SPECC1L: variants seen among roughly 807,000 people sequenced by gnomAD.
SPECC1L encodes the protein cytospin-A.
SPECC1L carries 40 observed loss-of-function variants against 116.8 expected under a neutral mutation model. That is an observed-to-expected ratio of 0.34 (90% CI 0.27 to 0.45). The LOEUF is 0.45. Among genes scored for constraint, SPECC1L ranks in the 20% least tolerant of loss-of-function variants. SPECC1L has a pLI of 1.00. For synonymous variants in SPECC1L, 504 were observed against 500.6 expected (o/e 1.01, Z -0.09); for missense variants, 1,110 against 1,373.6 (o/e 0.81, Z 3.03).
intron 4 of SPECC1L, among the ~76,000 whole-genome samples, chr22:24,320,058 G>C (rs139305072): frequency 2.1e-3 from 324 of 152,354 alleles, no homozygotes; most frequent in Middle Eastern, 6.8e-3. Context: ...CAGATCATTT[G>C]AGGTCAGGAG....
At chr22:24,281,562 A>T (rs2048942935) in intron 2 of SPECC1L, among the ~76,000 whole-genome samples, 2 of 152,198 alleles carry the variant, frequency 1.3e-5, no homozygotes, top group Non-Finnish European at 2.9e-5. Context: ...CTTCTATTTC[A>T]TATATTTTGA....
intron 14 of SPECC1L, among the ~76,000 whole-genome samples, chr22:24,383,820 T>TTTTTTTTTTTTTTTTTTTTTG (rs2042110019): frequency 8.3e-6 from 1 of 120,250 alleles, no homozygotes; most frequent in African/African-American, 3.5e-5. Flanking sequence ...TTTTTTTTTT[T>TTTTTTTTTTTTTTTTTTTTTG]TTTTTTTTTT....
rs748008686 is a variant in SPECC1L, at chr22:24,324,408, C to T, written c.2127C>T (p.Leu709=). ...QHRAVKLHDN[L]IISDLENTVK... The stretch of plus-strand genomic sequence containing the variant: ...GTGCTGTGAAACTTCATGACAACCT[C>T]ATTATTTCTGATCTAGAGAGTAAGT... The change falls in exon 6 of 17, where the codon CTC becomes CTT. Residue 709 remains leucine (L), a synonymous_variant. Transcript: ENST00000314328. 1 of 1,613,726 alleles carries T rather than the reference C, an allele frequency of 6.2e-7. No homozygotes were observed.
intron 2 of SPECC1L, 56 bp from the exon 3 acceptor site, chr22:24,302,139 T>C: frequency 7.5e-7 from 1 of 1,340,358 alleles, no homozygotes; most frequent in Non-Finnish European, 1.1e-6. Flanking sequence ...AAAACAAATT[T>C]CTAAAGCGCT....
At chr22:24,343,460 TG>T in intron 10 of SPECC1L, 1 of 446,620 alleles carries the variant, frequency 2.2e-6, no homozygotes, top group Admixed American at 2.4e-5. Flanking sequence ...GTTTTTTTTT[TG>T]TTTTGTTTTG....
chr22:24,281,508 T>C (rs5760307), intron 2 of SPECC1L, among the ~76,000 whole-genome samples: 5,576 of 152,354 alleles, frequency 0.037, 305 homozygotes, highest in South Asian at 0.12. Flanking sequence ...TAGTTTTCAG[T>C]GTACAAATCT....
At chr22:24,317,344 G>A (rs1301249510) in intron 4 of SPECC1L, among the ~76,000 whole-genome samples, 2 of 122,380 alleles carry the variant, frequency 1.6e-5, no homozygotes, top group African/African-American at 5.8e-5. Context: ...CGGACGGGGC[G>A]GCTGGCCGGG....
chr22:24,310,642 C>A (rs573885209), intron 3 of SPECC1L, among the ~76,000 whole-genome samples: 11 of 151,962 alleles, frequency 7.2e-5, no homozygotes, highest in Non-Finnish European at 1.6e-4. Flanking sequence ...GTGATTCATT[C>A]ATTTTGTTCA....
rs375272011 is a variant in SPECC1L at position 24,334,396 on chromosome 22, A to C, written c.2397-14A>C. On this transcript the variant is annotated splice_polypyrimidine_tract_variant and intron_variant, in intron 8 of 16. Transcript: ENST00000314328. The stretch of plus-strand genomic sequence containing the variant: ...ACCTATGTAAAAATGCTCTGATTTC[A>C]ATATTATTTTCAGGCAAGAGGAGGA... 1.2e-6 allele frequency: 2 copies of C among 1,613,720 alleles called. No individual in the cohort carries two copies. Among genetic ancestry groups the C allele is most frequent in the African/African-American group, 2.7e-5 (2 of 74,868 alleles).
chr22:24,297,318 G>T (rs28491244), intron 2 of SPECC1L, among the ~76,000 whole-genome samples: 1 of 151,272 alleles, frequency 6.6e-6, no homozygotes, highest in Non-Finnish European at 1.5e-5. Context: ...TACATAAAGG[G>T]TTTTTTTAAA....
intron 11 of SPECC1L, among the ~76,000 whole-genome samples, chr22:24,350,035 C>A (rs527544953): frequency 6.6e-6 from 1 of 152,186 alleles, no homozygotes; most frequent in Non-Finnish European, 1.5e-5. Flanking sequence ...CTTTCTTGCT[C>A]ACCCTGCCTC....
intron 5 of SPECC1L, chr22:24,323,235 T>G (rs1025777173): frequency 2.9e-6 from 1 of 343,400 alleles, no homozygotes; most frequent in Non-Finnish European, 4.1e-6. Context: ...AAATTTTACC[T>G]CCCCCCGCCT....
At chr22:24,343,975 G>A (rs979197878) in intron 10 of SPECC1L, among the ~76,000 whole-genome samples, 1 of 152,182 alleles carries the variant, frequency 6.6e-6, no homozygotes, top group Middle Eastern at 3.4e-3. Context: ...AAATAAAAAG[G>A]CTTCCCACAT....
At chr22:24,347,340 G>A (rs2041317743) in intron 11 of SPECC1L, among the ~76,000 whole-genome samples, 164 bp downstream of exon 11, 1 of 152,096 alleles carries the variant, frequency 6.6e-6, no homozygotes. Flanking sequence ...TTACAAGTGG[G>A]GAAAGTAGTT....
chr22:24,335,855 T>C (rs2041043151), intron 9 of SPECC1L, among the ~76,000 whole-genome samples: 1 of 152,106 alleles, frequency 6.6e-6, no homozygotes, highest in African/African-American at 2.4e-5. Context: ...CATCTTTATA[T>C]GTATTATGTA....
chr22:24,281,099 A>G (rs1375592903), intron 2 of SPECC1L, among the ~76,000 whole-genome samples: 1 of 152,130 alleles, frequency 6.6e-6, no homozygotes, highest in Non-Finnish European at 1.5e-5. Context: ...GTAAGAGGAA[A>G]CCATTTTTGT....
chr22:24,347,361 G>A (rs552274308), intron 11 of SPECC1L, among the ~76,000 whole-genome samples, 185 bp downstream of exon 11: 1 of 152,300 alleles, frequency 6.6e-6, no homozygotes, highest in African/African-American at 2.4e-5. Flanking sequence ...GTTAATGAAT[G>A]CATCTTTCCT....
chr22:24,289,867 T>G (rs1011764674), intron 2 of SPECC1L, among the ~76,000 whole-genome samples: 14 of 152,068 alleles, frequency 9.2e-5, no homozygotes, highest in African/African-American at 2.4e-4. Context: ...TTCCACATTG[T>G]CTGGCTGGTG....
chr22:24,273,713 C>T (rs1457571291), intron 1 of SPECC1L, among the ~76,000 whole-genome samples: 1 of 152,122 alleles, frequency 6.6e-6, no homozygotes, highest in African/African-American at 2.4e-5. Flanking sequence ...ATTTGCATGG[C>T]ATTAAAGATG....
Sources: allele counts gnomAD v4.1 joint callset (sites outside exome capture counted in the v4.1 genomes callset), GRCh38; gene constraint gnomAD v4.1.1; transcripts MANE v1.5; gene names NCBI Gene and HGNC (gene_info 2026-07-23, HGNC 2026-07-21).